Variants in ECRG4 observed in about 807,000 individuals in gnomAD.
The protein encoded by ECRG4 is ECRG4 augurin precursor.
A neutral mutation model predicts 15.8 loss-of-function variants in ECRG4; 18 were observed. That is an observed-to-expected ratio of 1.14 (90% CI 0.79 to 1.69). The LOEUF (loss-of-function observed/expected upper bound fraction) is 1.69. Among genes scored for constraint, ECRG4 ranks in the 40% most tolerant of loss-of-function variants. ECRG4 has a pLI of 0.00. For missense variants in ECRG4, 200 were observed against 190.9 expected, an observed-to-expected ratio of 1.05 and a Z score of -0.28; for synonymous variants, 82 against 73.9, an observed-to-expected ratio of 1.11 and a Z score of -0.56.
upstream of ECRG4, among the ~76,000 whole-genome samples, chr2:106,063,659 T>C (rs1337779596): frequency 6.6e-6 from 1 of 152,208 alleles, no homozygotes; most frequent in African/African-American, 2.4e-5. Flanking sequence ...CTCGGCTCAC[T>C]GCAACCTCCG....
At chr2:106,071,596 C>G (rs557608891) in intron 1 of ECRG4, among the ~76,000 whole-genome samples, 1 of 152,290 alleles carries the variant, frequency 6.6e-6, no homozygotes, top group East Asian at 1.9e-4. Flanking sequence ...AACAGCATCA[C>G]TCTGACTAGC....
chr2:106,070,970 C>T, intron 1 of ECRG4: 1 of 471,320 alleles, frequency 2.1e-6, no homozygotes, highest in Non-Finnish European at 4.4e-6. Flanking sequence ...AGCCAGTTCG[C>T]TGGGTGGAGG....
intron 1 of ECRG4, among the ~76,000 whole-genome samples, chr2:106,069,197 TTTC>T (rs780827028): frequency 3.4e-4 from 52 of 151,082 alleles, no homozygotes; most frequent in Non-Finnish European, 6.0e-4. Flanking sequence ...CTCTTTCTTC[TTTC>T]TTTTTTATTT....
At position 106,073,906 on chromosome 2, in the gene ECRG4, A is replaced by T. The variant is rs1255229997; in HGVS notation, c.148A>T (p.Lys50Ter). 2 of 1,614,252 alleles carry T rather than the reference A, an allele frequency of 1.2e-6. No individual in the cohort carries two copies. The highest frequency in any genetic ancestry group is 1.7e-5 in the Admixed American group (1 of 60,034). ...KREAPVPTKTKVAVDENKAKE... is the reference protein window; with the variant it reads ...KREAPVPTKT ...TTCAGCACCTGTTCCAACTAAGACT[A>T]AAGTGGCCGTTGATGAGAATAAAGC... The change falls in exon 3 of 4, where the codon AAA becomes TAA. Residue 50 changes from lysine (K) to a stop codon, truncating the protein, a stop_gained. Transcript: ENST00000238044. LOFTEE classifies it high-confidence loss of function.
Position 106,065,792 on chromosome 2 carries a change from G to T in ECRG4, c.28G>T (p.Val10Phe). 1 of 1,488,474 alleles carries T rather than the reference G, an allele frequency of 6.7e-7. No individual in the cohort carries two copies. The highest frequency in any genetic ancestry group is 8.9e-7 in the Non-Finnish European group (1 of 1,125,646). 92.2% of individuals were successfully genotyped at this position (1,488,474 alleles called of 1,614,324 possible). MAASPARPAVLALTGLALLL... is the reference protein window; with the variant it reads MAASPARPAFLALTGLALLL... ...GGCTGCCTCCCCCGCGCGGCCTGCT[G>T]TCCTGGCCCTGACCGGGCTGGCGCT... Residue 10 changes from valine to phenylalanine, a missense_variant, in exon 1 of 4, where the codon GTC becomes TTC. Val to Phe is a conservative substitution (Grantham distance 50). Transcript: ENST00000238044.
intron 1 of ECRG4, among the ~76,000 whole-genome samples, chr2:106,068,756 T>C (rs1372108729): frequency 6.6e-6 from 1 of 152,232 alleles, no homozygotes; most frequent in Non-Finnish European, 1.5e-5. Context: ...TAATGAATGC[T>C]ATTATTAGTG....
intron 3 of ECRG4, among the ~76,000 whole-genome samples, chr2:106,074,616 A>G (rs1189126375): frequency 6.6e-6 from 1 of 152,212 alleles, no homozygotes; most frequent in East Asian, 1.9e-4. Flanking sequence ...AGAGTTTATG[A>G]TCGTAGGCTC....
intron 2 of ECRG4, among the ~76,000 whole-genome samples, chr2:106,072,565 A>C (rs950215056): frequency 2.0e-5 from 3 of 152,224 alleles, no homozygotes; most frequent in Non-Finnish European, 2.9e-5. Context: ...CCATTTAGTC[A>C]GTTATTCTTT....
intron 1 of ECRG4, among the ~76,000 whole-genome samples, chr2:106,067,837 CTTT>C (rs34289824): frequency 7.0e-6 from 1 of 141,916 alleles, no homozygotes; most frequent in African/African-American, 2.6e-5. Flanking sequence ...CACCTCCAAA[CTTT>C]TTTTTTTTTT....
upstream of ECRG4, chr2:106,065,564 G>A (rs1443255009): frequency 1.0e-5 from 4 of 399,666 alleles, no homozygotes; most frequent in Middle Eastern, 6.7e-4. Flanking sequence ...GAGGACCTCG[G>A]TGGTACTCGC....
In ECRG4 at chr2:106,074,034, T is replaced by C. The variant is rs1368712983; in HGVS notation, c.276T>C (p.Phe92=). The C allele has an allele frequency of 7.4e-6, 12 of 1,612,792 alleles. No homozygotes were observed. Among genetic ancestry groups the C allele is most frequent in the Admixed American group, 1.7e-5 (1 of 60,020 alleles). Residue 92 remains phenylalanine, a synonymous_variant, in exon 3 of 4, where the codon TTT becomes TTC. Coordinates refer to ENST00000238044, the MANE Select transcript of ECRG4 (RefSeq NM_032411.3). ...QWYQQFLYMG[F]DEAKFEDDIT... ...ACCAGCAGTTTCTCTACATGGGCTTTGACGAAGCGGTAGGTGTTGCCTCCG... is the reference window on the plus strand; with the variant it reads ...ACCAGCAGTTTCTCTACATGGGCTTCGACGAAGCGGTAGGTGTTGCCTCCG...
chr2:106,072,828 G>A (rs1340045096), intron 2 of ECRG4, among the ~76,000 whole-genome samples: 1 of 152,200 alleles, frequency 6.6e-6, no homozygotes, highest in Admixed American at 6.5e-5. Flanking sequence ...CTTACCTCAC[G>A]GATGCCCAGG....
chr2:106,077,267 T>C (rs997387557), intron 3 of ECRG4, among the ~76,000 whole-genome samples: 5 of 152,238 alleles, frequency 3.3e-5, no homozygotes, highest in African/African-American at 1.2e-4. Context: ...CACCATCAAA[T>C]GTACCCCCAG....
chr2:106,069,309 C>T (rs80025926), intron 1 of ECRG4, among the ~76,000 whole-genome samples: 12,516 of 140,112 alleles, frequency 0.089, 748 homozygotes, highest in East Asian at 0.22. Flanking sequence ...TTCCTTCCTT[C>T]CTTCTTTCTT....
Position 106,071,853 on chromosome 2 carries a change from G to T in ECRG4, c.89G>T (p.Ser30Ile), listed in dbSNP as rs779851982. 6.2e-7 allele frequency: 1 copy of T among 1,613,632 alleles called. No homozygotes were observed. Among genetic ancestry groups the T allele is most frequent in the South Asian group, 1.1e-5 (1 of 91,022 alleles). ...ATTTTCATTCCTTTAGGTGGCATAA[G>T]TGGAAATAAACTCAAGCTGATGCTT... Reference protein sequence around the residue: ...LLLCWGPGGISGNKLKLMLQK... With the variant: ...LLLCWGPGGIIGNKLKLMLQK... Residue 30 changes from serine to isoleucine, a missense_variant, in exon 2 of 4, where the codon AGT becomes ATT. Coordinates refer to ENST00000238044, the MANE Select transcript of ECRG4 (RefSeq NM_032411.3).
At chr2:106,074,574 A>C (rs1331328334) in intron 3 of ECRG4, among the ~76,000 whole-genome samples, 1 of 152,228 alleles carries the variant, frequency 6.6e-6, no homozygotes, top group African/African-American at 2.4e-5. Flanking sequence ...CCTAGATGGC[A>C]TTGGTGGACG....
chr2:106,075,175 T>G (rs1260127290), intron 3 of ECRG4, among the ~76,000 whole-genome samples: 1 of 152,246 alleles, frequency 6.6e-6, no homozygotes, highest in Non-Finnish European at 1.5e-5. Context: ...GCCTTTTACT[T>G]AGACCACATT....
chr2:106,074,834 A>G (rs1676452181), intron 3 of ECRG4, among the ~76,000 whole-genome samples: 1 of 152,198 alleles, frequency 6.6e-6, no homozygotes, highest in Non-Finnish European at 1.5e-5. Flanking sequence ...GTTTTTCAAA[A>G]TGGGCACATG....
chr2:106,076,653 T>G (rs147377364), intron 3 of ECRG4, among the ~76,000 whole-genome samples: 45 of 152,266 alleles, frequency 3.0e-4, no homozygotes, highest in African/African-American at 1.1e-3. Context: ...TTAATTAATG[T>G]TCATTGGCAG....
Sources: allele counts gnomAD v4.1 joint callset (sites outside exome capture counted in the v4.1 genomes callset), GRCh38; gene constraint gnomAD v4.1.1; transcripts MANE v1.5; gene names NCBI Gene and HGNC (gene_info 2026-07-23, HGNC 2026-07-21).